The following CADM3 variants were observed in gnomAD, a reference collection of about 807,000 sequenced individuals.
The protein encoded by CADM3 is cell adhesion molecule 3, also known as TSLC1-like 1.
Under a neutral mutation model 44.9 loss-of-function variants are expected in CADM3, and 11 were observed. That is an observed-to-expected ratio of 0.25 (90% CI 0.15 to 0.41). The LOEUF is 0.41. Among genes scored for constraint, CADM3 ranks in the 10% least tolerant of loss-of-function variants. The probability of loss-of-function intolerance (pLI) is 1.00; values close to 1 mark genes in which losing one functional copy is unlikely to be tolerated. For synonymous variants in CADM3, 207 were observed against 205.2 expected (o/e 1.01, Z -0.08); for missense variants, 426 against 512.0 (o/e 0.83, Z 1.62).
intron 3 of CADM3, among the ~76,000 whole-genome samples, 162 bp from the exon 4 acceptor site, chr1:159,193,261 T>A (rs1649744915): frequency 6.6e-6 from 1 of 152,192 alleles, no homozygotes; most frequent in African/African-American, 2.4e-5. Context: ...TTTCTGGTCC[T>A]CAGGGAGGAG....
At chr1:159,172,551 A>C (rs961325814) in intron 1 of CADM3, among the ~76,000 whole-genome samples, 2 of 152,134 alleles carry the variant, frequency 1.3e-5, no homozygotes, top group African/African-American at 4.8e-5. Flanking sequence ...GAAATCCGAC[A>C]GGAGCAGAGG....
At chr1:159,185,096 AT>A (rs1008166058) in intron 1 of CADM3, among the ~76,000 whole-genome samples, 1 of 151,638 alleles carries the variant, frequency 6.6e-6, no homozygotes, top group South Asian at 2.1e-4. Context: ...ACACAAGGAG[AT>A]TTTTTTTTAA....
At chr1:159,199,527 A>G (rs1650061353) in intron 7 of CADM3, among the ~76,000 whole-genome samples, 1 of 152,188 alleles carries the variant, frequency 6.6e-6, no homozygotes, top group South Asian at 2.1e-4. Context: ...ATGACTAGGT[A>G]TGGGCAGATT....
intron 1 of CADM3, among the ~76,000 whole-genome samples, chr1:159,176,518 G>T (rs876694): frequency 0.49 from 74,014 of 151,978 alleles, 18,358 homozygotes; most frequent in East Asian, 0.67. Flanking sequence ...AAATACTTCA[G>T]GTCATCATAA....
At chr1:159,193,684 T>A in intron 4 of CADM3, 124 bp downstream of exon 4, 1 of 1,473,170 alleles carries the variant, frequency 6.8e-7, no homozygotes, top group Non-Finnish European at 9.4e-7. Flanking sequence ...ATATATTTTG[T>A]GTGCACTCAA....
chr1:159,188,854 G>A (rs1649530993), intron 1 of CADM3, among the ~76,000 whole-genome samples: 1 of 152,140 alleles, frequency 6.6e-6, no homozygotes, highest in African/African-American at 2.4e-5. Context: ...TCTGCAGGGG[G>A]ATGTAGGAAG....
At chr1:159,179,697 T>A (rs1649156748) in intron 1 of CADM3, among the ~76,000 whole-genome samples, 2 of 152,184 alleles carry the variant, frequency 1.3e-5, no homozygotes, top group African/African-American at 4.8e-5. Context: ...AGTATATCAA[T>A]GAGAGGTAAC....
chr1:159,176,674 A>C (rs1422213467), intron 1 of CADM3, among the ~76,000 whole-genome samples: 1 of 152,228 alleles, frequency 6.6e-6, no homozygotes, highest in Non-Finnish European at 1.5e-5. Context: ...ATTCTGTTAT[A>C]TATGACAAGA....
At chr1:159,186,760 G>T (rs1195270270) in intron 1 of CADM3, among the ~76,000 whole-genome samples, 4 of 152,130 alleles carry the variant, frequency 2.6e-5, no homozygotes, top group Non-Finnish European at 4.4e-5. Context: ...CTCAAGAGAA[G>T]ACATGAGATT....
intron 1 of CADM3, chr1:159,189,890 C>T (rs372197496): frequency 6.4e-7 from 1 of 1,556,072 alleles, no homozygotes; most frequent in African/African-American, 1.4e-5. Context: ...TCCAGGCCCC[C>T]TCATCTCAAT....
At chr1:159,178,689 T>C (rs770327104) in intron 1 of CADM3, 1 of 152,184 alleles carries the variant, frequency 6.6e-6, no homozygotes, top group Non-Finnish European at 1.5e-5. Flanking sequence ...AGTAGATGCA[T>C]CTTTAAACTC....
Position 159,200,928 on chromosome 1 carries a change from C to G in CADM3, c.*6C>G. On this transcript the variant is annotated 3_prime_UTR_variant, in exon 9 of 9. Transcript: ENST00000368125. ...AGAAGGAATATTTCATCTAGAGGCG[C>G]CTGCCCACTTCCTGCGCCCCCCAGG... is the stretch of plus-strand genomic sequence containing the variant. 6.3e-7 allele frequency: 1 copy of G among 1,586,388 alleles called. No homozygotes were observed. The highest frequency in any genetic ancestry group is 1.7e-4 in the Middle Eastern group (1 of 5,892).
intron 6 of CADM3, 51 bp from the exon 7 acceptor site, chr1:159,196,840 G>A: frequency 6.6e-7 from 1 of 1,522,164 alleles, no homozygotes; most frequent in Non-Finnish European, 8.9e-7. Context: ...TTTTCTTTTA[G>A]CTCCCTGGCC....
chr1:159,190,321 A>G (rs1039033145), intron 1 of CADM3, among the ~76,000 whole-genome samples: 5 of 152,212 alleles, frequency 3.3e-5, no homozygotes, highest in African/African-American at 1.2e-4. Flanking sequence ...AGTCCATGGT[A>G]CACTAATCTC....
intron 7 of CADM3, among the ~76,000 whole-genome samples, chr1:159,199,365 G>C (rs1650049106): frequency 6.6e-6 from 1 of 150,698 alleles, no homozygotes; most frequent in Non-Finnish European, 1.5e-5. Flanking sequence ...AGGAAGAGAG[G>C]CAGGAAGAAG....
At chr1:159,194,259 A>T in intron 5 of CADM3, 1 of 487,306 alleles carries the variant, frequency 2.1e-6, no homozygotes, top group Non-Finnish European at 3.6e-6. Flanking sequence ...CCTCTGTGTC[A>T]ACTACTTAAT....
chr1:159,181,051 C>T (rs1379770723), intron 1 of CADM3, among the ~76,000 whole-genome samples: 3 of 152,064 alleles, frequency 2.0e-5, no homozygotes, highest in African/African-American at 4.8e-5. Context: ...AGAATATATT[C>T]TTTACTTCTG....
intron 6 of CADM3, 67 bp from the exon 7 acceptor site, chr1:159,196,824 T>A: frequency 7.0e-7 from 1 of 1,421,244 alleles, no homozygotes; most frequent in Non-Finnish European, 9.6e-7. Flanking sequence ...TCCCAGTTAT[T>A]TTTTTTTTTC....
chr1:159,197,180 C>A, intron 7 of CADM3, 120 bp downstream of exon 7: 1 of 1,055,068 alleles, frequency 9.5e-7, no homozygotes, highest in Non-Finnish European at 1.4e-6. Context: ...TAAAGGAAAA[C>A]CAGCCCACCA....
Sources: allele counts gnomAD v4.1 joint callset (sites outside exome capture counted in the v4.1 genomes callset), GRCh38; gene constraint gnomAD v4.1.1; transcripts MANE v1.5; gene names NCBI Gene and HGNC (gene_info 2026-07-23, HGNC 2026-07-21).